Variants in DYNC2LI1 observed in about 807,000 individuals in gnomAD.
The protein encoded by DYNC2LI1 is dynein cytoplasmic 2 light intermediate chain 1, also known as cytoplasmic dynein 2 light intermediate chain 1.
In DYNC2LI1, 45 loss-of-function variants were observed where a neutral mutation model predicts 51.9. The ratio of observed to expected loss-of-function variants is 0.87; its 90% CI spans 0.68 to 1.11. The LOEUF is 1.11. Ranked by LOEUF, DYNC2LI1 falls within the 50% of genes most tolerant of loss-of-function variation. The probability of loss-of-function intolerance (pLI) is 0.00; values close to 1 mark genes in which losing one functional copy is unlikely to be tolerated. For synonymous variants in DYNC2LI1, 130 were observed against 137.8 expected, an observed-to-expected ratio of 0.94 and a Z score of 0.40; for missense variants, 490 against 417.4, an observed-to-expected ratio of 1.17 and a Z score of -1.51.
At chr2:43,778,188 G>T (rs551331700) in intron 2 of DYNC2LI1, among the ~76,000 whole-genome samples, 3 of 152,054 alleles carry the variant, frequency 2.0e-5, no homozygotes, top group Non-Finnish European at 4.4e-5. Context: ...TTTGAGACAG[G>T]GTCTCGCTCT....
intron 12 of DYNC2LI1, among the ~76,000 whole-genome samples, chr2:43,808,416 A>G (rs116605159): frequency 0.022 from 3,297 of 152,340 alleles, 81 homozygotes; most frequent in African/African-American, 0.062. Context: ...TTTCATAGCA[A>G]CTGTGAACTT....
intron 2 of DYNC2LI1, among the ~76,000 whole-genome samples, chr2:43,778,446 C>T (rs1044810505): frequency 6.6e-6 from 1 of 152,102 alleles, no homozygotes; most frequent in Non-Finnish European, 1.5e-5. Flanking sequence ...GAGTCACCGC[C>T]CCTGGCTACG....
chr2:43,802,236 A>G (rs985308717), intron 10 of DYNC2LI1, among the ~76,000 whole-genome samples: 4 of 152,154 alleles, frequency 2.6e-5, no homozygotes, highest in Non-Finnish European at 4.4e-5. Flanking sequence ...CTGAATCAAA[A>G]GGAAGTTTAA....
chr2:43,817,873 G>C, the DYNC2LI1 span, among the ~76,000 whole-genome samples: 1 of 152,126 alleles, frequency 6.6e-6, no homozygotes, highest in East Asian at 1.9e-4. Context: ...TCGCGCCACT[G>C]CATTCCAGCC....
chr2:43,779,660 T>G (rs1032212045), intron 2 of DYNC2LI1, among the ~76,000 whole-genome samples: 2 of 152,206 alleles, frequency 1.3e-5, no homozygotes, highest in Admixed American at 6.5e-5. Flanking sequence ...GAGTGATGGC[T>G]AAAGCTTGAA....
downstream of DYNC2LI1, chr2:43,813,104 C>T (rs1250409930): frequency 9.5e-7 from 1 of 1,049,098 alleles, no homozygotes; most frequent in Non-Finnish European, 1.5e-6. Flanking sequence ...ATTTTCCCAG[C>T]CATGGCTTTC....
intron 5 of DYNC2LI1, among the ~76,000 whole-genome samples, chr2:43,792,332 A>T (rs2104691245): frequency 6.6e-6 from 1 of 152,300 alleles, no homozygotes; most frequent in East Asian, 1.9e-4. Flanking sequence ...TGAACTAAAC[A>T]AAATAATTAA....
At chr2:43,812,983 A>AAT (rs1396350163), downstream of DYNC2LI1, 1 of 690,904 alleles carries the variant, frequency 1.4e-6, no homozygotes, top group Non-Finnish European at 2.7e-6. Context: ...AAGAGGCACA[A>AAT]ATGGAGTCTT....
At chr2:43,777,459 G>A (rs570284106) in intron 2 of DYNC2LI1, among the ~76,000 whole-genome samples, 69 of 152,316 alleles carry the variant, frequency 4.5e-4, no homozygotes, top group Admixed American at 2.7e-3. Flanking sequence ...AGGAACATAT[G>A]CATCATATCT....
At chr2:43,827,338 A>ATT in the DYNC2LI1 span, among the ~76,000 whole-genome samples, 1 of 151,964 alleles carries the variant, frequency 6.6e-6, no homozygotes, top group Non-Finnish European at 1.5e-5. Context: ...AAAAAAAAAA[A>ATT]AAAAGTGACA....
intron 6 of DYNC2LI1, 188 bp downstream of exon 6, chr2:43,794,831 C>G (rs866302980): frequency 2.1e-6 from 3 of 1,447,026 alleles, no homozygotes; most frequent in Middle Eastern, 2.4e-4. Flanking sequence ...AAGAAGATTC[C>G]TTATATCTTC....
rs1674014369 is a variant in DYNC2LI1, at chr2:43,795,908, C to T, written c.526C>T (p.Pro176Ser). Residue 176 changes from proline to serine, a missense_variant, in exon 7 of 13, where the codon CCA becomes TCA. By Grantham distance (74) the Pro-to-Ser change is moderately conservative (BLOSUM62 -1). Transcript: ENST00000260605. Reference protein sequence around the residue: ...KDHPDHELIDPFPVPLVIIGS... With the variant: ...KDHPDHELIDSFPVPLVIIGS... ...TTAGCAGGATCATGAATTAATTGAC[C>T]CATTTCCGGTACCTCTGGTCATAAT... The T allele has an allele frequency of 6.2e-7, 1 of 1,612,768 alleles. No individual in the cohort carries two copies. Among genetic ancestry groups the T allele is most frequent in the Non-Finnish European group, 8.5e-7 (1 of 1,179,100 alleles).
chr2:43,826,316 C>T, the DYNC2LI1 span: 3 of 1,609,244 alleles, frequency 1.9e-6, no homozygotes, highest in African/African-American at 4.0e-5. Flanking sequence ...ACAAATCTTG[C>T]CCCTGCCCCT....
chr2:43,786,877 A>G lies in DYNC2LI1; in HGVS notation c.162-304A>G, dbSNP rs138351475. On this transcript the variant is annotated intron_variant, in intron 3 of 12. Transcript: ENST00000260605. ...AACACCCAGTGTCAGTGCTTCCTGC[A>G]TGGCCTGGATGTAGAGATCTTGTGC... is the stretch of plus-strand genomic sequence containing the variant. Among the ~76,000 whole-genome samples the G allele has an allele frequency of 1.7e-3, 255 of 152,216 alleles. 3 individuals are homozygous for G. The highest frequency in any genetic ancestry group is 0.01 in the Admixed American group (153 of 15,282).
In DYNC2LI1 at chr2:43,809,870, A is replaced by G; in HGVS notation, c.*103A>G. On this transcript the variant is annotated 3_prime_UTR_variant, in exon 13 of 13. Coordinates refer to ENST00000260605, the MANE Select transcript of DYNC2LI1 (RefSeq NM_016008.4). ...CAATATGTGAAGAAAGTTAAACTGT[A>G]TAATTTGTTAAAGGACAAGCTGGAT... The G allele has an allele frequency of 4.1e-6, 6 of 1,453,926 alleles. No homozygotes were observed. The highest frequency in any genetic ancestry group is 5.4e-6 in the Non-Finnish European group (6 of 1,105,516). The allele number at this position is 1,453,926 out of a possible 1,614,324, so 90.1% of individuals were successfully genotyped here. A position where few individuals can be genotyped will look rare whatever the true frequency, so the allele number is the denominator to read the frequency against.
At chr2:43,784,390 G>A (rs770714815) in intron 3 of DYNC2LI1, among the ~76,000 whole-genome samples, 64 of 151,716 alleles carry the variant, frequency 4.2e-4, no homozygotes, top group Non-Finnish European at 6.9e-4. Flanking sequence ...ACCAGCTTAG[G>A]ATAAAATACT....
chr2:43,822,041 T>G, the DYNC2LI1 span, among the ~76,000 whole-genome samples: 1 of 152,166 alleles, frequency 6.6e-6, no homozygotes, highest in Non-Finnish European at 1.5e-5. Context: ...CAATCTGATG[T>G]TTTTTGATGG....
At chr2:43,797,166 G>T (rs1238462721) in intron 8 of DYNC2LI1, among the ~76,000 whole-genome samples, 2 of 152,046 alleles carry the variant, frequency 1.3e-5, no homozygotes, top group African/African-American at 4.8e-5. Context: ...TGGGGATGGG[G>T]GCTCTTTAAA....
rs551644513 is a variant in DYNC2LI1, at chr2:43,799,275, C to T, written c.655-1566C>T. ...TATGATCACACTGCTGCACTCCAGC[C>T]TGGGAAGCAGAGCGAGACCCCATCT... is the stretch of plus-strand genomic sequence containing the variant. On this transcript the variant is annotated intron_variant, in intron 8 of 12. Coordinates refer to ENST00000260605, the MANE Select transcript of DYNC2LI1 (RefSeq NM_016008.4). Among the ~76,000 whole-genome samples, 7 of 152,254 alleles carry T rather than the reference C, an allele frequency of 4.6e-5. No homozygotes were observed. In the East Asian group the frequency reaches 1.4e-3, roughly 29 times the overall value.
Sources: allele counts gnomAD v4.1 joint callset (sites outside exome capture counted in the v4.1 genomes callset), GRCh38; gene constraint gnomAD v4.1.1; transcripts MANE v1.5; gene names NCBI Gene and HGNC (gene_info 2026-07-23, HGNC 2026-07-21).